Variants in SYNPR observed in about 807,000 individuals in gnomAD.
SYNPR encodes synaptoporin.
A neutral mutation model predicts 32.9 loss-of-function variants in SYNPR; 23 were observed. The observed-to-expected ratio is 0.70, with a 90% CI of 0.50 to 0.99. The LOEUF (loss-of-function observed/expected upper bound fraction) is 0.99. Ranked by LOEUF, SYNPR falls within the 50% of genes least tolerant of loss-of-function variation. The probability of loss-of-function intolerance (pLI) is 0.00; values close to 1 mark genes in which losing one functional copy is unlikely to be tolerated. For synonymous variants in SYNPR, 146 were observed against 135.9 expected (o/e 1.07, Z -0.52); for missense variants, 318 against 349.3 (o/e 0.91, Z 0.71).
At chr3:63,286,243 A>G (rs965329419) in intron 2 of SYNPR, among the ~76,000 whole-genome samples, 3 of 152,232 alleles carry the variant, frequency 2.0e-5, no homozygotes, top group African/African-American at 7.2e-5. Context: ...AACCTAAACG[A>G]GAACGTCTAA....
intron 1 of SYNPR, among the ~76,000 whole-genome samples, chr3:63,243,763 G>T (rs2086264926): frequency 6.6e-6 from 1 of 151,932 alleles, no homozygotes; most frequent in Non-Finnish European, 1.5e-5. Context: ...GTCATTTTGT[G>T]TGTGCAATGA....
At chr3:63,484,482 T>A (rs1344954150) in intron 3 of SYNPR, among the ~76,000 whole-genome samples, 2 of 152,052 alleles carry the variant, frequency 1.3e-5, no homozygotes, top group Non-Finnish European at 2.9e-5. Flanking sequence ...AACTTATACA[T>A]GAATAAAAGA....
At chr3:63,253,490 A>G (rs981334276) in intron 2 of SYNPR, among the ~76,000 whole-genome samples, 1 of 152,240 alleles carries the variant, frequency 6.6e-6, no homozygotes, top group African/African-American at 2.4e-5. Flanking sequence ...TAACTGATTT[A>G]TAGCAGCATT....
intron 4 of SYNPR, among the ~76,000 whole-genome samples, chr3:63,567,309 A>C (rs966101460): frequency 1.3e-5 from 2 of 152,140 alleles, no homozygotes; most frequent in Non-Finnish European, 2.9e-5. Context: ...GGCAAGTCTG[A>C]AAAAAAGTGG....
chr3:63,550,197 T>C (rs1051413879), intron 3 of SYNPR: 9 of 151,500 alleles, frequency 5.9e-5, no homozygotes, highest in Non-Finnish European at 8.8e-5. Context: ...TTTATACATA[T>C]ATATAATTGT....
At chr3:63,601,241 C>G (rs1248156310) in intron 4 of SYNPR, among the ~76,000 whole-genome samples, 1 of 151,020 alleles carries the variant, frequency 6.6e-6, no homozygotes, top group African/African-American at 2.4e-5. Flanking sequence ...CCATTGCACT[C>G]CAGCCTGGGC....
chr3:63,566,152 T>C (rs1028512524), intron 4 of SYNPR, among the ~76,000 whole-genome samples: 1 of 152,174 alleles, frequency 6.6e-6, no homozygotes, highest in African/African-American at 2.4e-5. Context: ...ACTCCATATC[T>C]AATTATGGAA....
intron 2 of SYNPR, among the ~76,000 whole-genome samples, chr3:63,384,516 A>C (rs1015126520): frequency 1.3e-5 from 2 of 152,204 alleles, no homozygotes; most frequent in African/African-American, 2.4e-5. Flanking sequence ...CTCAGGAACA[A>C]GCCTTATAAT....
At chr3:63,524,844 T>C (rs868117692) in intron 3 of SYNPR, among the ~76,000 whole-genome samples, 1,519 of 148,602 alleles carry the variant, frequency 0.01, 17 homozygotes, top group African/African-American at 0.022. Context: ...TGTGTGTGTG[T>C]GTGTGTGCAT....
chr3:63,503,564 G>A (rs990635115), intron 3 of SYNPR, among the ~76,000 whole-genome samples: 2 of 151,892 alleles, frequency 1.3e-5, no homozygotes, highest in Non-Finnish European at 2.9e-5. Flanking sequence ...ACTGTTTTTT[G>A]TTTGTTAAAG....
chr3:63,267,985 C>T (rs1334616427), intron 3 of SYNPR, among the ~76,000 whole-genome samples: 1 of 152,140 alleles, frequency 6.6e-6, no homozygotes, highest in African/African-American at 2.4e-5. Flanking sequence ...TAAAACAGTT[C>T]ATAACTTCAG....
At chr3:63,419,850 T>A (rs1048730355) in intron 2 of SYNPR, among the ~76,000 whole-genome samples, 2 of 152,224 alleles carry the variant, frequency 1.3e-5, no homozygotes, top group South Asian at 2.1e-4. Context: ...ATTTTAGACA[T>A]CAGCTCATAA....
chr3:63,475,739 G>A (rs1157573918), intron 2 of SYNPR, among the ~76,000 whole-genome samples: 2 of 151,896 alleles, frequency 1.3e-5, no homozygotes, highest in Non-Finnish European at 2.9e-5. Flanking sequence ...GTCCCCTCAG[G>A]CTTTTCTCAC....
Position 63,379,131 on chromosome 3 carries a change from T to C in SYNPR, c.84+100389T>C, listed in dbSNP as rs34554898. On this transcript the variant is annotated intron_variant, in intron 2 of 5. Transcript: ENST00000478300. ...GAAGTTTTATGTTACATTTCTGTTA[T>C]TGAATTTCTAGTTTGGTTTCATTGA... 8.7e-3 allele frequency among the ~76,000 whole-genome samples: 1,318 copies of C among 152,316 alleles called. 12 individuals are homozygous for C. Among genetic ancestry groups the C allele is most frequent in the Non-Finnish European group, 0.014 (947 of 68,014 alleles).
chr3:63,240,402 T>C (rs924570450), intron 1 of SYNPR, among the ~76,000 whole-genome samples: 1 of 152,066 alleles, frequency 6.6e-6, no homozygotes, highest in African/African-American at 2.4e-5. Flanking sequence ...TGGAAAATGT[T>C]ACAGCATTCC....
intron 2 of SYNPR, among the ~76,000 whole-genome samples, chr3:63,267,157 G>A (rs1479699205): frequency 6.6e-6 from 1 of 152,168 alleles, no homozygotes; most frequent in Non-Finnish European, 1.5e-5. Context: ...GTGAGCTGAT[G>A]TTTGAAAATG....
intron 2 of SYNPR, 86 bp from the exon 3 acceptor site, chr3:63,480,746 C>A: frequency 6.7e-7 from 1 of 1,496,240 alleles, no homozygotes. Flanking sequence ...TTCCCTCAAT[C>A]CAGACATTAA....
chr3:63,352,918 AC>A (rs1407201681), intron 2 of SYNPR, among the ~76,000 whole-genome samples: 1 of 152,132 alleles, frequency 6.6e-6, no homozygotes, highest in African/African-American at 2.4e-5. Flanking sequence ...ATTACCTCCC[AC>A]CGGGTCCCTC....
At chr3:63,475,444 G>A (rs1050670464) in intron 2 of SYNPR, among the ~76,000 whole-genome samples, 1 of 152,106 alleles carries the variant, frequency 6.6e-6, no homozygotes, top group Admixed American at 6.6e-5. Flanking sequence ...GAATACAGAG[G>A]TTTTATAATT....
Sources: gnomAD v4.1 joint callset for allele counts (sites outside exome capture counted in the v4.1 genomes callset) on GRCh38, gnomAD v4.1.1 for gene constraint, MANE v1.5 for transcripts, NCBI Gene and HGNC (gene_info 2026-07-23, HGNC 2026-07-21) for gene names.